The following YWHAQ variants were observed in gnomAD, a reference collection of about 807,000 sequenced individuals.
YWHAQ encodes the protein 14-3-3 protein theta.
YWHAQ carries 6 observed loss-of-function variants against 28.3 expected under a neutral mutation model. That is an observed-to-expected ratio of 0.21 (90% CI 0.12 to 0.42). The LOEUF (loss-of-function observed/expected upper bound fraction) is 0.42. Among genes scored for constraint, YWHAQ ranks in the 10% least tolerant of loss-of-function variants. The pLI, the probability that YWHAQ is intolerant of heterozygous loss-of-function variation, is 1.00. For missense variants in YWHAQ, 201 were observed against 305.6 expected (o/e 0.66, Z 2.55); for synonymous variants, 143 against 119.1 (o/e 1.20, Z -1.31).
chr2:9,607,719 T>TG (rs1434220413), intron 2 of YWHAQ, among the ~76,000 whole-genome samples: 8 of 150,412 alleles, frequency 5.3e-5, no homozygotes, highest in Admixed American at 1.3e-4. Flanking sequence ...CTCTTTTTTT[T>TG]TTTTTTTTTT....
intron 2 of YWHAQ, among the ~76,000 whole-genome samples, chr2:9,592,534 G>C (rs970940058): frequency 2.0e-5 from 3 of 151,944 alleles, no homozygotes; most frequent in African/African-American, 7.3e-5. Flanking sequence ...GACCAGCCTG[G>C]CCAACATAAT....
Position 9,585,236 on chromosome 2 carries a change from A to G in YWHAQ, c.*50T>C. ...AATCCAAGTGGAATAAGGAATGGAGATGTGTAAAAAGGTTTCTTGAAGGAA... is the reference window on the plus strand; with the variant it reads ...AATCCAAGTGGAATAAGGAATGGAGGTGTGTAAAAAGGTTTCTTGAAGGAA... On this transcript the variant is annotated 3_prime_UTR_variant, in exon 6 of 6. Coordinates refer to ENST00000238081, the MANE Select transcript of YWHAQ (RefSeq NM_006826.4). 6.3e-7 allele frequency: 1 copy of G among 1,592,982 alleles called. No individual in the cohort carries two copies. The highest frequency in any genetic ancestry group is 8.6e-7 in the Non-Finnish European group (1 of 1,161,496).
intron 2 of YWHAQ, among the ~76,000 whole-genome samples, chr2:9,612,118 T>C (rs1666960649): frequency 6.6e-6 from 1 of 152,230 alleles, no homozygotes. Context: ...GATTTCACCT[T>C]TTCACAGTGT....
At chr2:9,604,535 TG>T (rs1220734567) in intron 2 of YWHAQ, among the ~76,000 whole-genome samples, 2 of 152,216 alleles carry the variant, frequency 1.3e-5, no homozygotes, top group Non-Finnish European at 2.9e-5. Flanking sequence ...AACACAGGTT[TG>T]AACTTTATGG....
rs755703871 is a variant in YWHAQ at position 9,588,240 on chromosome 2, C to T, written c.507G>A (p.Gly169=). The change falls in exon 4 of 6, where the codon GGG becomes GGA. Residue 169 remains glycine, a synonymous_variant. Coordinates refer to ENST00000238081, the MANE Select transcript of YWHAQ (RefSeq NM_006826.4). ...AAAATACAGAAAAGTTAAGAGCAAG[C>T]CCCAGGCGGATTGGGTGTGTGGGTT... ...EMQPTHPIRL[G]LALNFSVFYY... The T allele has an allele frequency of 1.2e-6, 2 of 1,607,580 alleles. No individual in the cohort carries two copies. The highest frequency in any genetic ancestry group is 1.7e-5 in the Admixed American group (1 of 58,022).
At chr2:9,587,623 A>G (rs1666371576) in intron 4 of YWHAQ, 114 bp from the exon 5 acceptor site, 1 of 813,658 alleles carries the variant, frequency 1.2e-6, no homozygotes, top group African/African-American at 1.7e-5. Flanking sequence ...TTCTACCATC[A>G]ACAAACTCAA....
intron 5 of YWHAQ, 88 bp downstream of exon 5, chr2:9,587,326 T>A: frequency 1.7e-6 from 2 of 1,174,600 alleles, no homozygotes; most frequent in Non-Finnish European, 2.4e-6. Flanking sequence ...CTCGTATGTA[T>A]CTTCCCTAAA....
chr2:9,630,500 C>A lies in YWHAQ; in HGVS notation c.-48G>T, dbSNP rs1667348423. ...GGGCGGAGGGCGAGGAGAGCGAGGG[C>A]GAGCGCCGACCCGCAGCGGGAGGAG... On this transcript the variant is annotated 5_prime_UTR_variant, in exon 2 of 6. Coordinates refer to ENST00000238081, the MANE Select transcript of YWHAQ (RefSeq NM_006826.4). This position sits in a 1 kb window ranked among gnomAD's most constrained non-coding sequence, Gnocchi z 5.6. 6.7e-7 allele frequency: 1 copy of A among 1,493,642 alleles called. No individual in the cohort carries two copies. 92.5% of individuals were successfully genotyped at this position (1,493,642 alleles called of 1,614,324 possible). A position where few individuals can be genotyped will look rare whatever the true frequency, so the allele number is the denominator to read the frequency against.
At chr2:9,619,712 T>C (rs542269376) in intron 2 of YWHAQ, among the ~76,000 whole-genome samples, 131 of 152,326 alleles carry the variant, frequency 8.6e-4, no homozygotes, top group African/African-American at 2.9e-3. Context: ...CACCAAATAA[T>C]CAAGAGTATT....
chr2:9,585,774 G>A (rs532948874), intron 5 of YWHAQ, among the ~76,000 whole-genome samples: 4 of 151,982 alleles, frequency 2.6e-5, no homozygotes, highest in African/African-American at 7.3e-5. Flanking sequence ...GGCCAGGTAC[G>A]GGGTGGTGTG....
intron 2 of YWHAQ, among the ~76,000 whole-genome samples, chr2:9,615,091 A>G (rs571554214): frequency 6.6e-6 from 1 of 152,300 alleles, no homozygotes; most frequent in South Asian, 2.1e-4. Context: ...CAGCTTACCA[A>G]TACTGATCTG....
intron 2 of YWHAQ, among the ~76,000 whole-genome samples, chr2:9,600,015 C>G (rs1190398092): frequency 6.6e-6 from 1 of 152,062 alleles, no homozygotes; most frequent in Non-Finnish European, 1.5e-5. Context: ...ACATTAACAA[C>G]AGTTTGGAAG....
intron 2 of YWHAQ, among the ~76,000 whole-genome samples, chr2:9,624,716 A>T (rs1337596064): frequency 6.6e-6 from 1 of 151,784 alleles, no homozygotes; most frequent in Non-Finnish European, 1.5e-5. Flanking sequence ...GAGTGACACG[A>T]ACCTAACCTT....
chr2:9,617,020 G>C (rs1462277040), intron 2 of YWHAQ, among the ~76,000 whole-genome samples: 1 of 152,092 alleles, frequency 6.6e-6, no homozygotes, highest in Admixed American at 6.6e-5. Context: ...GAGTGCAGTG[G>C]AGTGATCTCG....
chr2:9,591,536 C>G (rs376583183), intron 2 of YWHAQ, 21 bp from the exon 3 acceptor site: 1 of 1,594,280 alleles, frequency 6.3e-7, no homozygotes, highest in Non-Finnish European at 8.6e-7. Flanking sequence ...TAAGACAGAA[C>G]ATTAGGCACT....
At position 9,599,515 on chromosome 2, in the gene YWHAQ, C is replaced by T. The variant is rs1016011229; in HGVS notation, c.295-8000G>A. Among the ~76,000 whole-genome samples, 5 of 152,142 alleles carry T rather than the reference C, an allele frequency of 3.3e-5. No homozygotes were observed. The South Asian group carries it at 6.2e-4, about 19-fold the overall frequency. On this transcript the variant is annotated intron_variant, in intron 2 of 5. Coordinates refer to ENST00000238081, the MANE Select transcript of YWHAQ (RefSeq NM_006826.4). ...TGGTGACTTTAAGATGAAGCCAATG[C>T]TCATTTAGCATTCCAAAAATCCTAG...
chr2:9,627,024 G>A (rs1181647401), intron 2 of YWHAQ, among the ~76,000 whole-genome samples: 2 of 152,206 alleles, frequency 1.3e-5, no homozygotes, highest in Non-Finnish European at 2.9e-5. Context: ...CTGAGAGACA[G>A]CTCTAACTGG....
At position 9,630,701 on chromosome 2, in the gene YWHAQ, TGGA is replaced by T. The variant is rs1170001018; in HGVS notation, c.-82-170_-82-168del. 40 of 232,368 alleles carry T rather than the reference TGGA, an allele frequency of 1.7e-4. No individual in the cohort carries two copies. In the South Asian group the frequency reaches 6.3e-3, roughly 37 times the overall value. The allele number at this position is 232,368 out of a possible 1,614,324, so 14.4% of individuals were successfully genotyped here. On this transcript the variant is annotated intron_variant, in intron 1 of 5. Transcript: ENST00000238081. This position sits in a 1 kb window ranked among gnomAD's most constrained non-coding sequence, Gnocchi z 5.6. ...ACCCGGGGAGGCCGCGGCCCGCGGC[TGGA>T]GGAGGCGGGGGCGGCGCGGAGGCCC...
chr2:9,594,761 G>C (rs936188505), intron 2 of YWHAQ, among the ~76,000 whole-genome samples: 3 of 152,190 alleles, frequency 2.0e-5, no homozygotes, highest in Non-Finnish European at 4.4e-5. Context: ...TGGTAGATTT[G>C]TAAGAGCAGG....
Sources: gnomAD v4.1 joint callset for allele counts (sites outside exome capture counted in the v4.1 genomes callset) on GRCh38, gnomAD v4.1.1 for gene constraint, Gnocchi (gnomAD v3.1) non-coding constraint, MANE v1.5 for transcripts, NCBI Gene and HGNC (gene_info 2026-07-23, HGNC 2026-07-21) for gene names.